LRBA: variants seen among roughly 807,000 people sequenced by gnomAD.
LRBA encodes the protein LPS responsive beige-like anchor protein.
In LRBA, 176 loss-of-function variants were observed where a neutral mutation model predicts 330.0. The observed-to-expected ratio is 0.53, with a 90% CI of 0.47 to 0.60. The LOEUF is 0.60. Ranked by LOEUF, LRBA falls within the 20% of genes least tolerant of loss-of-function variation. The pLI is 0.00. For synonymous variants in LRBA, 1,230 were observed against 1,193.0 expected (o/e 1.03, Z -0.64); for missense variants, 3,259 against 3,444.8 (o/e 0.95, Z 1.35).
At chr4:150,467,819 T>G in intron 43 of LRBA, 34 bp from the exon 44 acceptor site, 1 of 1,006,490 alleles carries the variant, frequency 9.9e-7, no homozygotes, top group Admixed American at 2.2e-5. Context: ...TAATTTATAA[T>G]TTTAAAAGTG....
At chr4:150,546,850 T>C (rs1237873855) in intron 40 of LRBA, among the ~76,000 whole-genome samples, 2 of 152,168 alleles carry the variant, frequency 1.3e-5, no homozygotes, top group African/African-American at 4.8e-5. Flanking sequence ...GGTTTTAATA[T>C]GCATTGATCA....
intron 40 of LRBA, among the ~76,000 whole-genome samples, chr4:150,506,536 G>A (rs1464249038): frequency 1.3e-5 from 2 of 152,122 alleles, no homozygotes; most frequent in Non-Finnish European, 2.9e-5. Flanking sequence ...AACCCTTCAT[G>A]CTAAAAACTC....
intron 55 of LRBA, among the ~76,000 whole-genome samples, chr4:150,281,081 C>T (rs2126758490): frequency 6.6e-6 from 1 of 152,294 alleles, no homozygotes; most frequent in South Asian, 2.1e-4. Context: ...CTTCCCAGAG[C>T]CCCTGGTACT....
chr4:150,301,729 G>C (rs1560984721), intron 53 of LRBA, among the ~76,000 whole-genome samples: 1 of 151,990 alleles, frequency 6.6e-6, no homozygotes, highest in African/African-American at 2.4e-5. Flanking sequence ...GCAAGGACCG[G>C]GTATTCAGGT....
Position 150,265,508 on chromosome 4 carries a change from T to G in LRBA, c.*214A>C. Reference sequence around the variant, plus strand: ...CATTATGACTAAAAATATAGATTTTTTAAAACTACAGAACCCAGCAGCCAG... The same window carrying G: ...CATTATGACTAAAAATATAGATTTTGTAAAACTACAGAACCCAGCAGCCAG... On this transcript the variant is annotated 3_prime_UTR_variant, in exon 57 of 57. Transcript: ENST00000651943. 1 of 429,258 alleles carries G rather than the reference T, an allele frequency of 2.3e-6. No individual in the cohort carries two copies. Among genetic ancestry groups the G allele is most frequent in the African/African-American group, 2.0e-5 (1 of 50,716 alleles). The allele number at this position is 429,258 out of a possible 1,614,324, so 26.6% of individuals were successfully genotyped here. A position where few individuals can be genotyped will look rare whatever the true frequency, so the allele number is the denominator to read the frequency against.
chr4:150,503,719 G>A (rs1019710358), intron 40 of LRBA, among the ~76,000 whole-genome samples: 18 of 152,208 alleles, frequency 1.2e-4, no homozygotes, highest in African/African-American at 3.9e-4. Flanking sequence ...CTCCTCACGA[G>A]CAACGGAACA....
intron 44 of LRBA, among the ~76,000 whole-genome samples, chr4:150,455,825 C>T (rs1030986563): frequency 1.4e-4 from 21 of 152,162 alleles, no homozygotes; most frequent in Non-Finnish European, 7.4e-5. Context: ...CACCACCCTT[C>T]CCAGCCTCTG....
At chr4:150,462,624 T>C (rs1341684083) in intron 44 of LRBA, among the ~76,000 whole-genome samples, 1 of 151,726 alleles carries the variant, frequency 6.6e-6, no homozygotes, top group Non-Finnish European at 1.5e-5. Context: ...CCAAATAAAA[T>C]TGTAGCTTTG....
At chr4:150,675,990 A>T (rs1286875413) in intron 37 of LRBA, among the ~76,000 whole-genome samples, 1 of 152,180 alleles carries the variant, frequency 6.6e-6, no homozygotes, top group Non-Finnish European at 1.5e-5. Context: ...GATTGCCCAT[A>T]TATTTGCAGT....
chr4:150,459,885 A>G (rs992059953), intron 44 of LRBA, among the ~76,000 whole-genome samples: 5 of 151,940 alleles, frequency 3.3e-5, no homozygotes, highest in African/African-American at 7.2e-5. Flanking sequence ...CTCTGCATTT[A>G]TATTTTATTT....
At chr4:150,280,875 G>C (rs953040932) in intron 55 of LRBA, among the ~76,000 whole-genome samples, 2 of 152,170 alleles carry the variant, frequency 1.3e-5, no homozygotes, top group Non-Finnish European at 2.9e-5. Flanking sequence ...AGGCAAGCTC[G>C]CTTTAATCAC....
At chr4:150,849,611 A>G (rs1750356414) in intron 24 of LRBA, 36 bp from the exon 25 acceptor site, 1 of 1,562,932 alleles carries the variant, frequency 6.4e-7, no homozygotes, top group Non-Finnish European at 8.8e-7. Flanking sequence ...TGATAAAGCT[A>G]AAGAAAGGAA....
chr4:150,651,291 A>G (rs1460291015), intron 37 of LRBA, among the ~76,000 whole-genome samples: 1 of 152,184 alleles, frequency 6.6e-6, no homozygotes, highest in Non-Finnish European at 1.5e-5. Context: ...CTATAGCACC[A>G]GAATATCCCC....
intron 49 of LRBA, among the ~76,000 whole-genome samples, chr4:150,323,078 T>C (rs530870531): frequency 6.7e-6 from 1 of 150,218 alleles, no homozygotes; most frequent in South Asian, 2.1e-4. Flanking sequence ...CTAAAAACAA[T>C]AAATATGTGG....
chr4:150,811,439 A>AG (rs200052833), intron 31 of LRBA, among the ~76,000 whole-genome samples: 2 of 151,366 alleles, frequency 1.3e-5, no homozygotes, highest in Non-Finnish European at 1.5e-5. Context: ...AAAAAAAAAA[A>AG]AGGGGGTGTG....
At chr4:150,417,797 C>A (rs989168774) in intron 46 of LRBA, among the ~76,000 whole-genome samples, 2 of 152,060 alleles carry the variant, frequency 1.3e-5, no homozygotes, top group Non-Finnish European at 2.9e-5. Context: ...AGTACTCTTA[C>A]CAACACCAAT....
chr4:150,770,039 AAAG>A (rs1469514790), intron 34 of LRBA, among the ~76,000 whole-genome samples: 1 of 152,208 alleles, frequency 6.6e-6, no homozygotes, highest in African/African-American at 2.4e-5. Flanking sequence ...TTGAAGTGGT[AAAG>A]AAGATCTACC....
At chr4:150,699,881 A>G (rs189665643) in intron 36 of LRBA, among the ~76,000 whole-genome samples, 55 of 152,240 alleles carry the variant, frequency 3.6e-4, no homozygotes, top group African/African-American at 1.3e-3. Context: ...ATTAAAAAGA[A>G]CTTGAATACT....
chr4:151,007,072 A>G (rs960603904), intron 2 of LRBA, among the ~76,000 whole-genome samples: 3 of 152,260 alleles, frequency 2.0e-5, no homozygotes, highest in African/African-American at 7.2e-5. Context: ...ACAAAAGGCA[A>G]TTTGGTACTG....
Sources: gnomAD v4.1 joint callset for allele counts (sites outside exome capture counted in the v4.1 genomes callset) on GRCh38, gnomAD v4.1.1 for gene constraint, MANE v1.5 for transcripts, NCBI Gene and HGNC (gene_info 2026-07-23, HGNC 2026-07-21) for gene names.